AGBL1: variants seen among roughly 807,000 people sequenced by gnomAD.
The protein encoded by AGBL1 is AGBL carboxypeptidase 1.
Under a neutral mutation model 118.9 loss-of-function variants are expected in AGBL1, and 130 were observed. The observed-to-expected ratio is 1.09, with a 90% CI of 0.95 to 1.26. AGBL1 has a LOEUF of 1.26. Among genes scored for constraint, AGBL1 ranks in the 50% most tolerant of loss-of-function variants. The probability of loss-of-function intolerance (pLI) is 0.00; values close to 1 mark genes in which losing one functional copy is unlikely to be tolerated. For synonymous variants in AGBL1, 555 were observed against 478.9 expected (o/e 1.16, Z -2.08); for missense variants, 1,584 against 1,298.1 (o/e 1.22, Z -3.38).
rs375925782 is a variant in AGBL1 at position 86,613,662 on chromosome 15, G to A, written c.2994+59125G>A. Among the ~76,000 whole-genome samples the A allele has an allele frequency of 6.6e-6, 1 of 152,144 alleles. No homozygotes were observed. The highest frequency in any genetic ancestry group is 1.5e-5 in the Non-Finnish European group (1 of 68,036). ...GAAGGCATGACGTTTCCCAGAAAGAGGGCATTTTCTATTGAGGGATGAAAA... is the reference window on the plus strand; with the variant it reads ...GAAGGCATGACGTTTCCCAGAAAGAAGGCATTTTCTATTGAGGGATGAAAA... On this transcript the variant is annotated intron_variant, in intron 21 of 22. Coordinates refer to ENST00000614907, the MANE Select transcript of AGBL1 (RefSeq NM_001386094.1). The surrounding 1 kb of genome is among the most constrained non-coding windows in gnomAD (Gnocchi z 4.2).
At chr15:86,391,017 T>TAAA (rs985288925) in intron 17 of AGBL1, among the ~76,000 whole-genome samples, 134 of 121,056 alleles carry the variant, frequency 1.1e-3, no homozygotes, top group African/African-American at 1.3e-3. Context: ...ACTATGGTGA[T>TAAA]AAAAAAAAAA....
chr15:86,322,490 G>T (rs111766834), intron 17 of AGBL1, among the ~76,000 whole-genome samples: 31 of 152,218 alleles, frequency 2.0e-4, no homozygotes, highest in Middle Eastern at 3.4e-3. Flanking sequence ...CATGAAATTT[G>T]AGGGGACCTG....
At chr15:86,646,286 T>C (rs2085278829) in intron 21 of AGBL1, among the ~76,000 whole-genome samples, 2 of 152,156 alleles carry the variant, frequency 1.3e-5, no homozygotes, top group Non-Finnish European at 2.9e-5. Flanking sequence ...CAGTAACAAC[T>C]CTAAGTGGAA....
chr15:86,834,830 A>T (rs111340019), intron 22 of AGBL1, among the ~76,000 whole-genome samples: 4 of 152,310 alleles, frequency 2.6e-5, no homozygotes, highest in South Asian at 2.1e-4. Flanking sequence ...CCTACATGGC[A>T]TGCACAAGCC....
At chr15:86,598,319 T>C (rs2084440587) in intron 21 of AGBL1, among the ~76,000 whole-genome samples, 1 of 152,152 alleles carries the variant, frequency 6.6e-6, no homozygotes, top group Non-Finnish European at 1.5e-5. Flanking sequence ...TGACAATTAA[T>C]AGTTCACGTA....
At chr15:86,469,649 C>G (rs1417534981) in intron 18 of AGBL1, among the ~76,000 whole-genome samples, 1 of 152,022 alleles carries the variant, frequency 6.6e-6, no homozygotes, top group Non-Finnish European at 1.5e-5. Flanking sequence ...TTTTTTGAAG[C>G]TCCATATTGT....
At chr15:86,452,212 T>G (rs552902937) in intron 18 of AGBL1, among the ~76,000 whole-genome samples, 2 of 152,314 alleles carry the variant, frequency 1.3e-5, no homozygotes, top group Non-Finnish European at 2.9e-5. Context: ...GTCTATCATG[T>G]TGAAAAACTC....
At chr15:86,973,160 GGTCAGTAGTCCT>G (rs1231736994) in intron 23 of AGBL1, among the ~76,000 whole-genome samples, 18 of 151,848 alleles carry the variant, frequency 1.2e-4, no homozygotes, top group Middle Eastern at 3.4e-3. Flanking sequence ...GAATAGATAT[GGTCAGTAGTCCT>G]GTTTGTTAGC....
At chr15:86,196,707 C>T (rs1387764563) in intron 5 of AGBL1, among the ~76,000 whole-genome samples, 1 of 152,004 alleles carries the variant, frequency 6.6e-6, no homozygotes, top group Non-Finnish European at 1.5e-5. Context: ...AGCCCTAACC[C>T]CCAATGTTAC....
chr15:86,772,613 C>T (rs1342152155), intron 22 of AGBL1, among the ~76,000 whole-genome samples: 4 of 151,716 alleles, frequency 2.6e-5, no homozygotes, highest in East Asian at 1.9e-4. Flanking sequence ...TGTGGCTGGG[C>T]CTGGGATAAT....
At chr15:86,370,959 C>G (rs765395981) in intron 17 of AGBL1, among the ~76,000 whole-genome samples, 15 of 152,152 alleles carry the variant, frequency 9.9e-5, no homozygotes, top group Non-Finnish European at 1.8e-4. Context: ...GTCTATGGGT[C>G]TGGGGTTCAG....
chr15:86,939,142 G>A (rs1043868962), intron 23 of AGBL1: 1 of 152,886 alleles, frequency 6.5e-6, no homozygotes, highest in Non-Finnish European at 1.5e-5. Flanking sequence ...AAGGTGCAAA[G>A]TATTGTTCCT....
intron 22 of AGBL1, among the ~76,000 whole-genome samples, chr15:86,677,405 T>C (rs980892677): frequency 4.6e-5 from 7 of 152,186 alleles, no homozygotes; most frequent in East Asian, 3.9e-4. Context: ...CTCCTCTTCC[T>C]TTCTCCTTCC....
chr15:86,980,744 T>C (rs1447819616), intron 23 of AGBL1, among the ~76,000 whole-genome samples: 1 of 152,172 alleles, frequency 6.6e-6, no homozygotes, highest in Non-Finnish European at 1.5e-5. Flanking sequence ...GAGTTCTCAT[T>C]CGTTTCTCTT....
intron 1 of AGBL1, among the ~76,000 whole-genome samples, chr15:86,102,228 A>G (rs1357271114): frequency 6.6e-6 from 1 of 151,978 alleles, no homozygotes; most frequent in Admixed American, 6.6e-5. Flanking sequence ...TTTAGTAGCG[A>G]TGGGGTTTTG....
At chr15:86,591,297 C>T (rs2084331034) in intron 21 of AGBL1, among the ~76,000 whole-genome samples, 1 of 152,190 alleles carries the variant, frequency 6.6e-6, no homozygotes, top group African/African-American at 2.4e-5. Context: ...TTTCCACACA[C>T]ACCAACCACT....
At position 86,264,407 on chromosome 15, in the gene AGBL1, G is replaced by C. The variant is rs754698152; in HGVS notation, c.1236G>C (p.Gln412His). The C allele has an allele frequency of 2.5e-6, 4 of 1,613,962 alleles. No homozygotes were observed. Among genetic ancestry groups the C allele is most frequent in the Admixed American group, 3.3e-5 (2 of 60,020 alleles). Residue 412 changes from glutamine (Q) to histidine (H), a missense_variant, in exon 11 of 23, where the codon CAG becomes CAC. Coordinates refer to ENST00000614907, the MANE Select transcript of AGBL1 (RefSeq NM_001386094.1). ...SCGQEREYAV[Q>H]TSLLCRVKTG... ...GGCAAGAAAGAGAATATGCTGTCCA[G>C]ACTTCCCTTCTGTGCAGGGTGAAGA...
At chr15:86,345,946 C>T (rs771137738) in intron 17 of AGBL1, among the ~76,000 whole-genome samples, 19 of 151,546 alleles carry the variant, frequency 1.3e-4, no homozygotes, top group Non-Finnish European at 2.2e-4. Flanking sequence ...TTTCTTTCAT[C>T]AATTCTCTCT....
chr15:86,173,857 A>G lies in AGBL1; in HGVS notation c.488+14831A>G, dbSNP rs1448610714. Among the ~76,000 whole-genome samples the G allele has an allele frequency of 2.6e-5, 4 of 152,234 alleles. No homozygotes were observed. The East Asian group carries it at 7.7e-4, about 29-fold the overall frequency. On this transcript the variant is annotated intron_variant, in intron 5 of 22. Transcript: ENST00000614907. ...TTTGGTTGCTATAGCTTTGTATTATATTTTGAAGGCAGGTAGTGTAATGCC... is the reference window on the plus strand; with the variant it reads ...TTTGGTTGCTATAGCTTTGTATTATGTTTTGAAGGCAGGTAGTGTAATGCC...
Sources: gnomAD v4.1 joint callset for allele counts (sites outside exome capture counted in the v4.1 genomes callset) on GRCh38, gnomAD v4.1.1 for gene constraint, Gnocchi (gnomAD v3.1) non-coding constraint, MANE v1.5 for transcripts, NCBI Gene and HGNC (gene_info 2026-07-23, HGNC 2026-07-21) for gene names.